SMCHD1: variants seen among roughly 807,000 people sequenced by gnomAD.
SMCHD1 encodes structural maintenance of chromosomes flexible hinge domain-containing protein 1.
A neutral mutation model predicts 254.7 loss-of-function variants in SMCHD1; 78 were observed. That is an observed-to-expected ratio of 0.31 (90% confidence interval 0.26 to 0.37). The LOEUF is 0.37. SMCHD1 is among the 10% of genes least tolerant of loss of function. The pLI is 1.00. For synonymous variants in SMCHD1, 766 were observed against 794.9 expected, an observed-to-expected ratio of 0.96 and a Z score of 0.61; for missense variants, 1,840 against 2,408.1, an observed-to-expected ratio of 0.76 and a Z score of 4.94.
At chr18:2,787,256 C>T (rs1191603090) in intron 45 of SMCHD1, among the ~76,000 whole-genome samples, 5 of 152,140 alleles carry the variant, frequency 3.3e-5, no homozygotes, top group Non-Finnish European at 7.3e-5. Flanking sequence ...AGAATTCACT[C>T]ACTCCCAAGG....
intron 1 of SMCHD1, among the ~76,000 whole-genome samples, chr18:2,657,647 C>A (rs544394137): frequency 2.0e-5 from 3 of 152,250 alleles, no homozygotes; most frequent in Non-Finnish European, 2.9e-5. Flanking sequence ...CTTCCCACTC[C>A]ATTTTTTAAA....
intron 3 of SMCHD1, among the ~76,000 whole-genome samples, chr18:2,667,798 TAA>T (rs2073479391): frequency 6.6e-6 from 1 of 152,218 alleles, no homozygotes; most frequent in Non-Finnish European, 1.5e-5. Context: ...TGTTTAAAAA[TAA>T]AGTGAACATC....
At chr18:2,761,400 C>T (rs1277196640) in intron 35 of SMCHD1, among the ~76,000 whole-genome samples, 1 of 152,042 alleles carries the variant, frequency 6.6e-6, no homozygotes, top group African/African-American at 2.4e-5. Context: ...GCACATACAC[C>T]CCCTGAATCT....
chr18:2,716,116 G>T (rs922014630), intron 17 of SMCHD1, among the ~76,000 whole-genome samples: 1 of 152,092 alleles, frequency 6.6e-6, no homozygotes, highest in Admixed American at 6.6e-5. Context: ...GATTCTTGTG[G>T]CTTTGCTTCT....
intron 25 of SMCHD1, among the ~76,000 whole-genome samples, chr18:2,736,064 T>C (rs2075243171): frequency 6.6e-6 from 1 of 152,034 alleles, no homozygotes; most frequent in Admixed American, 6.6e-5. Flanking sequence ...AACAAACACA[T>C]AGACCAGTGG....
intron 13 of SMCHD1, among the ~76,000 whole-genome samples, chr18:2,704,604 A>ATT (rs141807133): frequency 0.19 from 25,837 of 138,742 alleles, 2,536 homozygotes; most frequent in South Asian, 0.26. Context: ...AGAGGAGAGG[A>ATT]TTTTTTTTTT....
chr18:2,762,357 T>C, intron 36 of SMCHD1, 121 bp downstream of exon 36: 2 of 781,878 alleles, frequency 2.6e-6, no homozygotes, highest in East Asian at 5.2e-5. Flanking sequence ...TAGGGAAAAC[T>C]TGTGCAGATG....
intron 39 of SMCHD1, 22 bp from the exon 40 acceptor site, chr18:2,771,511 A>C: frequency 6.5e-7 from 1 of 1,543,786 alleles, no homozygotes; most frequent in Non-Finnish European, 8.7e-7. Flanking sequence ...AATTGATGCA[A>C]ATTTTTGGTT....
At chr18:2,679,054 G>T (rs1472142251) in intron 5 of SMCHD1, among the ~76,000 whole-genome samples, 2 of 150,826 alleles carry the variant, frequency 1.3e-5, no homozygotes, top group African/African-American at 4.9e-5. Flanking sequence ...CGCCATATTG[G>T]CCAGGCTGGT....
At chr18:2,706,645 G>T in intron 15 of SMCHD1, 175 bp downstream of exon 15, 1 of 429,984 alleles carries the variant, frequency 2.3e-6, no homozygotes. Flanking sequence ...TATACAAACA[G>T]AATTCTGCAT....
At chr18:2,775,041 T>A (rs2076043347) in intron 41 of SMCHD1, among the ~76,000 whole-genome samples, 2 of 151,728 alleles carry the variant, frequency 1.3e-5, no homozygotes, top group African/African-American at 4.8e-5. Flanking sequence ...CAAAGCATTG[T>A]TCCTAGAAAC....
chr18:2,670,671 C>A (rs529843225), intron 3 of SMCHD1, among the ~76,000 whole-genome samples: 3 of 151,968 alleles, frequency 2.0e-5, no homozygotes, highest in African/African-American at 4.8e-5. Context: ...GAAGCCCCGG[C>A]GGGCAGATTA....
At chr18:2,698,840 A>G (rs1356622921) in intron 10 of SMCHD1, among the ~76,000 whole-genome samples, 2 of 95,976 alleles carry the variant, frequency 2.1e-5, no homozygotes, top group Non-Finnish European at 4.9e-5. Context: ...TCTTTACTAT[A>G]AAGTACTATT....
At chr18:2,680,268 A>G (rs1254338010) in intron 5 of SMCHD1, among the ~76,000 whole-genome samples, 1 of 152,038 alleles carries the variant, frequency 6.6e-6, no homozygotes, top group Admixed American at 6.6e-5. Context: ...TGGTCATATT[A>G]TAATAATATA....
At chr18:2,796,260 A>C (rs1260187698) in intron 46 of SMCHD1, 147 bp from the exon 47 acceptor site, 26 of 871,312 alleles carry the variant, frequency 3.0e-5, no homozygotes, top group Middle Eastern at 3.0e-4. Context: ...AAATGGTTAT[A>C]AACTATTCTT....
intron 25 of SMCHD1, among the ~76,000 whole-genome samples, chr18:2,737,060 A>G (rs967329419): frequency 6.6e-6 from 1 of 152,200 alleles, no homozygotes; most frequent in Non-Finnish European, 1.5e-5. Context: ...GAACAAAATC[A>G]TGTCCTTTGC....
chr18:2,779,289 G>C (rs1191597801), intron 44 of SMCHD1, among the ~76,000 whole-genome samples: 2 of 152,164 alleles, frequency 1.3e-5, no homozygotes, highest in Non-Finnish European at 2.9e-5. Flanking sequence ...TATGTAGCTG[G>C]CAACTGGTAC....
chr18:2,671,595 CTTTTTTTT>C (rs760647745), intron 3 of SMCHD1, among the ~76,000 whole-genome samples: 20 of 119,580 alleles, frequency 1.7e-4, no homozygotes, highest in African/African-American at 6.2e-4. Context: ...CTTTTCTTTT[CTTTTTTTT>C]TTTTTTTTTT....
rs141463159 is a variant in SMCHD1, at chr18:2,719,946, A to G, written c.2458+1512A>G. Reference sequence around the variant, plus strand: ...AGCCTCGGCCTCCCAAAGTGCTGGGATTACAGATGTTAGCCACCGCACGTG... The same window carrying G: ...AGCCTCGGCCTCCCAAAGTGCTGGGGTTACAGATGTTAGCCACCGCACGTG... On this transcript the variant is annotated intron_variant, in intron 19 of 47. Transcript: ENST00000320876. Among the ~76,000 whole-genome samples, 859 of 152,274 alleles carry G rather than the reference A, an allele frequency of 5.6e-3. 7 individuals carry two copies. The highest frequency in any genetic ancestry group is 0.02 in the African/African-American group (817 of 41,560).
Sources: gnomAD v4.1 joint callset for allele counts (sites outside exome capture counted in the v4.1 genomes callset) on GRCh38, gnomAD v4.1.1 for gene constraint, MANE v1.5 for transcripts, NCBI Gene and HGNC (gene_info 2026-07-23, HGNC 2026-07-21) for gene names.